The following UNC5C variants were observed in gnomAD, a reference collection of about 807,000 sequenced individuals.
The protein encoded by UNC5C is netrin receptor UNC5C.
Under a neutral mutation model 99.8 loss-of-function variants are expected in UNC5C, and 47 were observed. The ratio of observed to expected loss-of-function variants is 0.47; its 90% confidence interval spans 0.37 to 0.60. UNC5C has a LOEUF of 0.60. UNC5C is among the 20% of genes least tolerant of loss of function. The pLI, the probability that UNC5C is intolerant of heterozygous loss-of-function variation, is 0.00. For synonymous variants in UNC5C, 487 were observed against 452.2 expected (o/e 1.08, Z -0.98); for missense variants, 1,062 against 1,165.9 (o/e 0.91, Z 1.30).
intron 1 of UNC5C, among the ~76,000 whole-genome samples, chr4:95,460,167 CTTG>C (rs1747557181): frequency 7.5e-6 from 1 of 132,726 alleles, no homozygotes; most frequent in East Asian, 2.3e-4. Flanking sequence ...ATTTTATGCT[CTTG>C]TTGGTGGATG....
chr4:95,246,337 G>T (rs1440245436), intron 5 of UNC5C, among the ~76,000 whole-genome samples: 1 of 151,932 alleles, frequency 6.6e-6, no homozygotes, highest in East Asian at 1.9e-4. Context: ...AGAGAGTATT[G>T]CTTGAGACCA....
At chr4:95,500,079 T>C (rs969040864) in intron 1 of UNC5C, among the ~76,000 whole-genome samples, 4 of 152,120 alleles carry the variant, frequency 2.6e-5, no homozygotes, top group Admixed American at 6.6e-5. Flanking sequence ...ACATGGAAAC[T>C]TAATATAAAT....
At chr4:95,542,982 A>G (rs1185840125) in intron 1 of UNC5C, among the ~76,000 whole-genome samples, 3 of 152,118 alleles carry the variant, frequency 2.0e-5, no homozygotes, top group Non-Finnish European at 4.4e-5. Context: ...GGGAAACACT[A>G]GTGTTTGAAT....
intron 4 of UNC5C, among the ~76,000 whole-genome samples, chr4:95,267,693 A>G (rs1740497200): frequency 6.6e-6 from 1 of 152,178 alleles, no homozygotes; most frequent in African/African-American, 2.4e-5. Flanking sequence ...TTTAGAATCA[A>G]TACAAGCAGG....
intron 4 of UNC5C, among the ~76,000 whole-genome samples, chr4:95,251,206 G>A (rs1345652562): frequency 6.6e-6 from 1 of 152,212 alleles, no homozygotes; most frequent in Non-Finnish European, 1.5e-5. Context: ...TAGCCTCACT[G>A]AAACGTATGG....
At chr4:95,487,245 G>T (rs552667796) in intron 1 of UNC5C, among the ~76,000 whole-genome samples, 24 of 151,800 alleles carry the variant, frequency 1.6e-4, no homozygotes, top group African/African-American at 5.8e-4. Flanking sequence ...CTAGCACATT[G>T]CTTTGTAGCT....
At chr4:95,529,300 ATATT>A (rs1251740822) in intron 1 of UNC5C, among the ~76,000 whole-genome samples, 1 of 148,112 alleles carries the variant, frequency 6.8e-6, no homozygotes, top group Non-Finnish European at 1.5e-5. Context: ...ATATGTATAT[ATATT>A]TATATGTATA....
intron 1 of UNC5C, among the ~76,000 whole-genome samples, chr4:95,496,934 G>C (rs1721646122): frequency 6.6e-6 from 1 of 151,806 alleles, no homozygotes; most frequent in African/African-American, 2.4e-5. Context: ...ACAACATTTG[G>C]CTTTCCATTC....
At chr4:95,192,753 C>T (rs1737205061) in intron 12 of UNC5C, among the ~76,000 whole-genome samples, 1 of 152,050 alleles carries the variant, frequency 6.6e-6, no homozygotes, top group Non-Finnish European at 1.5e-5. Flanking sequence ...CTCTGCTCAC[C>T]CTTGCCCTGC....
chr4:95,316,522 A>G (rs994689278), intron 2 of UNC5C, among the ~76,000 whole-genome samples: 5 of 152,188 alleles, frequency 3.3e-5, no homozygotes, highest in Non-Finnish European at 7.3e-5. Flanking sequence ...TTGGGAGGAC[A>G]GCAGAGGTGA....
chr4:95,276,493 C>A (rs953569111), intron 4 of UNC5C, among the ~76,000 whole-genome samples: 1 of 152,048 alleles, frequency 6.6e-6, no homozygotes, highest in African/African-American at 2.4e-5. Flanking sequence ...TTACTAAGAT[C>A]TCCCCCCACC....
At chr4:95,544,284 C>T (rs906562072) in intron 1 of UNC5C, among the ~76,000 whole-genome samples, 3 of 152,172 alleles carry the variant, frequency 2.0e-5, no homozygotes, top group Non-Finnish European at 2.9e-5. Flanking sequence ...CCATTAACAG[C>T]TCTTAGCCTG....
intron 1 of UNC5C, among the ~76,000 whole-genome samples, chr4:95,366,128 T>G (rs1338341012): frequency 6.6e-6 from 1 of 152,092 alleles, no homozygotes; most frequent in Non-Finnish European, 1.5e-5. Context: ...TATGATGTTT[T>G]AGGAAGTGAA....
chr4:95,205,647 A>G (rs190955986), intron 11 of UNC5C, among the ~76,000 whole-genome samples: 5 of 148,434 alleles, frequency 3.4e-5, no homozygotes, highest in Admixed American at 3.3e-4. Flanking sequence ...TTCCTATTTT[A>G]TATGTTTTAC....
chr4:95,461,302 A>ATCTAATCTAAATACCATT (rs771024372), intron 1 of UNC5C, among the ~76,000 whole-genome samples: 2 of 143,432 alleles, frequency 1.4e-5, no homozygotes, highest in East Asian at 2.3e-4. Context: ...CTTTTCCAAC[A>ATCTAATCTAAATACCATT]TGAAGCACAA....
At chr4:95,513,362 G>A (rs1722128381) in intron 1 of UNC5C, among the ~76,000 whole-genome samples, 1 of 152,154 alleles carries the variant, frequency 6.6e-6, no homozygotes, top group African/African-American at 2.4e-5. Flanking sequence ...TTCCTAATGT[G>A]ATAAGAAGGT....
chr4:95,169,326 G>A lies in UNC5C; in HGVS notation c.2704C>T (p.Pro902Ser), dbSNP rs1177486467. ...ILDLWEAQNF[P>S]DGNLSMLAAV... ...GCCAGCATGCTCAGGTTTCCATCTG[G>A]GAAGTTCTGTGCTTCCCAAAGATCC... Residue 902 changes from proline to serine, a missense_variant, in exon 16 of 16, where the codon CCA becomes TCA. Pro to Ser is a moderately conservative substitution (Grantham distance 74). Around this residue, in one of 3 missense-constraint regions of UNC5C, gnomAD observed 810 missense variants for 854.5 expected, o/e 0.95. Coordinates refer to ENST00000453304, the MANE Select transcript of UNC5C (RefSeq NM_003728.4). The A allele has an allele frequency of 2.5e-6, 4 of 1,614,080 alleles. No homozygotes were observed. The Admixed American group carries it at 5.0e-5, about 20-fold the overall frequency.
chr4:95,264,074 C>T (rs1311961520), intron 4 of UNC5C, among the ~76,000 whole-genome samples: 1 of 152,176 alleles, frequency 6.6e-6, no homozygotes, highest in Non-Finnish European at 1.5e-5. Flanking sequence ...TAACTGAACA[C>T]TGTGGTTTGT....
intron 1 of UNC5C, among the ~76,000 whole-genome samples, chr4:95,388,261 A>G (rs1271173354): frequency 6.6e-6 from 1 of 152,188 alleles, no homozygotes; most frequent in Non-Finnish European, 1.5e-5. Context: ...CTTTGCTATA[A>G]TTTGCAGAAC....
Sources: gnomAD v4.1 joint callset for allele counts (sites outside exome capture counted in the v4.1 genomes callset) on GRCh38, gnomAD v4.1.1 for gene constraint, gnomAD v4.1.1 regional missense constraint, MANE v1.5 for transcripts, NCBI Gene and HGNC (gene_info 2026-07-23, HGNC 2026-07-21) for gene names.